The following FHIT variants were observed in gnomAD, a reference collection of about 807,000 sequenced individuals.
FHIT encodes the protein bis(5'-adenosyl)-triphosphatase.
Under a neutral mutation model 17.9 loss-of-function variants are expected in FHIT, and 19 were observed. The observed-to-expected ratio is 1.06, with a 90% CI of 0.74 to 1.56. FHIT has a LOEUF of 1.56. FHIT is among the 40% of genes most tolerant of loss of function. FHIT has a pLI of 0.00. For synonymous variants in FHIT, 81 were observed against 69.7 expected (o/e 1.16, Z -0.81); for missense variants, 248 against 189.2 (o/e 1.31, Z -1.82).
intron 4 of FHIT, among the ~76,000 whole-genome samples, chr3:60,779,472 A>G (rs573826475): frequency 6.6e-6 from 1 of 152,248 alleles, no homozygotes; most frequent in South Asian, 2.1e-4. Context: ...GCCCATTACC[A>G]GGAGGTTTCC....
At chr3:60,278,158 C>T (rs1446771898) in intron 5 of FHIT, among the ~76,000 whole-genome samples, 1 of 152,172 alleles carries the variant, frequency 6.6e-6, no homozygotes. Context: ...AAAACTCTTG[C>T]AGCCTAGTCT....
At chr3:60,207,577 TC>T (rs1187677402) in intron 5 of FHIT, among the ~76,000 whole-genome samples, 1 of 151,582 alleles carries the variant, frequency 6.6e-6, no homozygotes, top group Non-Finnish European at 1.5e-5. Flanking sequence ...CACCCCACAG[TC>T]CCCCCGCCGA....
intron 7 of FHIT, among the ~76,000 whole-genome samples, chr3:59,935,468 C>T (rs1706188507): frequency 6.6e-6 from 1 of 152,124 alleles, no homozygotes; most frequent in Non-Finnish European, 1.5e-5. Context: ...ATACATATGT[C>T]CATGACAGCT....
rs543025916 is a variant in FHIT at position 60,238,335 on chromosome 3, G to A, written c.104-224183C>T. ...GCTACTGTACTTACTCTATCTTAGC[G>A]ATATTTAATAATATTAAATGTTTTA... On this transcript the variant is annotated intron_variant, in intron 5 of 9. Transcript: ENST00000492590. 6.7e-5 allele frequency among the ~76,000 whole-genome samples: 10 copies of A among 149,264 alleles called. No individual in the cohort carries two copies. The East Asian group carries it at 1.6e-3, about 24-fold the overall frequency.
At chr3:60,367,139 T>C (rs1000589467) in intron 5 of FHIT, among the ~76,000 whole-genome samples, 3 of 152,196 alleles carry the variant, frequency 2.0e-5, no homozygotes, top group Non-Finnish European at 4.4e-5. Context: ...TAAATACTCA[T>C]AGATAATGGG....
At chr3:60,584,022 T>C (rs1198692147) in intron 4 of FHIT, among the ~76,000 whole-genome samples, 22 of 152,156 alleles carry the variant, frequency 1.4e-4, no homozygotes, top group Admixed American at 1.4e-3. Flanking sequence ...AAAGGCATTC[T>C]CCAGAGCCTC....
At chr3:60,486,087 C>T (rs1048273011) in intron 5 of FHIT, among the ~76,000 whole-genome samples, 25 of 152,044 alleles carry the variant, frequency 1.6e-4, no homozygotes, top group Non-Finnish European at 2.9e-4. Flanking sequence ...CCTCACAATG[C>T]CTATTTCTAC....
chr3:60,994,389 C>T (rs2030500189), intron 3 of FHIT, among the ~76,000 whole-genome samples: 1 of 152,078 alleles, frequency 6.6e-6, no homozygotes, highest in Non-Finnish European at 1.5e-5. Context: ...AGTTATACTT[C>T]AATTTTCCTA....
chr3:60,412,850 A>C (rs561641794), intron 5 of FHIT, among the ~76,000 whole-genome samples: 11 of 152,148 alleles, frequency 7.2e-5, no homozygotes, highest in Admixed American at 6.5e-5. Context: ...TCTTGTGATC[A>C]TAAGTAAGTT....
At chr3:60,037,349 T>C (rs1290386638) in intron 5 of FHIT, among the ~76,000 whole-genome samples, 3 of 152,084 alleles carry the variant, frequency 2.0e-5, no homozygotes, top group South Asian at 4.1e-4. Flanking sequence ...ACAATCTAGA[T>C]GGCCATTTAA....
chr3:60,575,886 G>A (rs1553657434), intron 4 of FHIT, among the ~76,000 whole-genome samples: 2 of 152,174 alleles, frequency 1.3e-5, no homozygotes, highest in African/African-American at 4.8e-5. Flanking sequence ...ACTGCTGAAA[G>A]GACAAGGGCA....
At chr3:61,211,211 C>T (rs1392878508) in intron 1 of FHIT, among the ~76,000 whole-genome samples, 1 of 151,822 alleles carries the variant, frequency 6.6e-6, no homozygotes, top group Non-Finnish European at 1.5e-5. Context: ...CATTGCCTCA[C>T]TCGGGAAGTG....
intron 8 of FHIT, among the ~76,000 whole-genome samples, chr3:59,882,986 C>G (rs1703472055): frequency 6.6e-6 from 1 of 152,164 alleles, no homozygotes; most frequent in African/African-American, 2.4e-5. Context: ...CTTACTAGGT[C>G]AGCAAACCTC....
chr3:60,265,220 G>C (rs1293409404), intron 5 of FHIT, among the ~76,000 whole-genome samples: 1 of 151,776 alleles, frequency 6.6e-6, no homozygotes, highest in Non-Finnish European at 1.5e-5. Context: ...AATGATAGTG[G>C]AGAAGGAACA....
intron 4 of FHIT, among the ~76,000 whole-genome samples, chr3:60,544,694 T>C (rs1263315937): frequency 1.3e-5 from 2 of 150,796 alleles, no homozygotes; most frequent in African/African-American, 4.9e-5. Context: ...CCTCCCCGGT[T>C]CAAGCGATTC....
At chr3:60,825,106 G>A (rs868964659) in intron 3 of FHIT, among the ~76,000 whole-genome samples, 11 of 152,200 alleles carry the variant, frequency 7.2e-5, no homozygotes, top group East Asian at 3.9e-4. Flanking sequence ...TACTTCCAGC[G>A]GAATCATGAA....
chr3:60,718,029 T>C (rs1354473344), intron 4 of FHIT, among the ~76,000 whole-genome samples: 1 of 152,250 alleles, frequency 6.6e-6, no homozygotes, highest in Non-Finnish European at 1.5e-5. Flanking sequence ...TGTTGTTATA[T>C]TTGTTTTCAT....
At chr3:60,324,107 C>G (rs966280869) in intron 5 of FHIT, among the ~76,000 whole-genome samples, 2 of 152,086 alleles carry the variant, frequency 1.3e-5, no homozygotes, top group African/African-American at 2.4e-5. Flanking sequence ...ATACACCAGG[C>G]ATTCAAATAC....
intron 5 of FHIT, among the ~76,000 whole-genome samples, chr3:60,116,244 T>C (rs1339548129): frequency 2.0e-5 from 3 of 152,018 alleles, no homozygotes; most frequent in Admixed American, 6.6e-5. Flanking sequence ...AAAGTAGAAA[T>C]ATAAACAAAA....
Sources: allele counts gnomAD v4.1 joint callset (sites outside exome capture counted in the v4.1 genomes callset), GRCh38; gene constraint gnomAD v4.1.1; transcripts MANE v1.5; gene names NCBI Gene and HGNC (gene_info 2026-07-23, HGNC 2026-07-21).